The following NLRP1 variants were observed in gnomAD, a reference collection of about 807,000 sequenced individuals.
NLRP1 encodes NLR family pyrin domain containing 1, also known as NACHT, LRR and PYD domains-containing protein 1.
A neutral mutation model predicts 136.7 loss-of-function variants in NLRP1; 94 were observed. The ratio of observed to expected loss-of-function variants is 0.69; its 90% CI spans 0.58 to 0.82. The LOEUF (loss-of-function observed/expected upper bound fraction) is 0.82, where lower values mean the gene tolerates loss of function less well. NLRP1 is among the 40% of genes least tolerant of loss of function. NLRP1 has a pLI of 0.00. For missense variants in NLRP1, 1,575 were observed against 1,802.7 expected, an observed-to-expected ratio of 0.87 and a Z score of 2.29; for synonymous variants, 690 against 725.1, an observed-to-expected ratio of 0.95 and a Z score of 0.78.
chr17:5,557,254 T>C (rs1914195535), intron 4 of NLRP1, among the ~76,000 whole-genome samples: 1 of 151,748 alleles, frequency 6.6e-6, no homozygotes, highest in South Asian at 2.1e-4. Flanking sequence ...ATCCTCCTGC[T>C]TCAGCCTCCC....
intron 12 of NLRP1, 122 bp downstream of exon 12, chr17:5,530,359 T>A (rs942774215): frequency 7.6e-6 from 6 of 786,004 alleles, no homozygotes; most frequent in Admixed American, 4.8e-5. Context: ...CCCATCTCCA[T>A]AACCCCCCCT....
At chr17:5,506,898 A>C (rs914223502) in intron 15 of NLRP1, among the ~76,000 whole-genome samples, 1 of 114,138 alleles carries the variant, frequency 8.8e-6, no homozygotes, top group Non-Finnish European at 1.7e-5. Context: ...GCAAAACTCC[A>C]TCTCAAAAAA....
rs7223443 is a variant in NLRP1, at chr17:5,517,997, C to G, written c.3916-110G>C. The stretch of plus-strand genomic sequence containing the variant: ...GGCTCCATAAGGACACTCTGATGAT[C>G]CCTGTACTGAAATCAACCATCACCT... On this transcript the variant is annotated intron_variant, in intron 14 of 16. Coordinates refer to ENST00000572272, the MANE Select transcript of NLRP1 (RefSeq NM_033004.4). The G allele has an allele frequency of 1.6e-3, 1,580 of 989,928 alleles. 19 individuals are homozygous for G. In the African/African-American group the frequency reaches 0.023, roughly 15 times the overall value. The allele number at this position is 989,928 out of a possible 1,614,324, so 61.3% of individuals were successfully genotyped here.
intron 3 of NLRP1, 106 bp downstream of exon 3, chr17:5,581,753 T>C: frequency 1.1e-6 from 1 of 934,240 alleles, no homozygotes; most frequent in Non-Finnish European, 1.8e-6. Context: ...TCAGATGTTT[T>C]CCAGAACCTC....
intron 10 of NLRP1, 34 bp downstream of exon 10, chr17:5,533,270 A>T: frequency 6.4e-7 from 1 of 1,551,790 alleles, no homozygotes; most frequent in South Asian, 1.2e-5. Flanking sequence ...ACATGGTTCA[A>T]AAGATGAAAG....
chr17:5,522,846 A>G (rs1211945016), intron 12 of NLRP1, among the ~76,000 whole-genome samples: 2 of 152,188 alleles, frequency 1.3e-5, no homozygotes, highest in Non-Finnish European at 2.9e-5. Context: ...GGTAGAGAAC[A>G]AGGAGGAGGA....
intron 3 of NLRP1, among the ~76,000 whole-genome samples, chr17:5,573,470 G>A (rs1385623138): frequency 1.3e-5 from 2 of 152,290 alleles, no homozygotes; most frequent in Non-Finnish European, 2.9e-5. Context: ...AGAGAGCAGC[G>A]GTTCTCCCAG....
intron 3 of NLRP1, among the ~76,000 whole-genome samples, chr17:5,578,194 G>A (rs1011000403): frequency 2.0e-5 from 3 of 152,146 alleles, no homozygotes; most frequent in South Asian, 4.1e-4. Context: ...CAGGACATAG[G>A]CATGGGCAAG....
chr17:5,555,017 T>TCACACA (rs55705436), intron 4 of NLRP1, among the ~76,000 whole-genome samples: 2,407 of 142,392 alleles, frequency 0.017, 39 homozygotes, highest in East Asian at 0.051. Flanking sequence ...TGAGATCCCA[T>TCACACA]CACACACACA....
At chr17:5,518,466 T>C (rs1174844990) in intron 14 of NLRP1, 1 of 152,356 alleles carries the variant, frequency 6.6e-6, no homozygotes, top group Non-Finnish European at 1.5e-5. Context: ...TGAATTCATA[T>C]ACTTTTCTCC....
At chr17:5,523,961 T>C (rs774935726) in intron 12 of NLRP1, among the ~76,000 whole-genome samples, 1 of 152,224 alleles carries the variant, frequency 6.6e-6, no homozygotes, top group Non-Finnish European at 1.5e-5. Flanking sequence ...TCTAGCTCTG[T>C]CACCGAGGCT....
rs947285105 is a variant in NLRP1 at position 5,548,091 on chromosome 17, T to A, written c.2528+5295A>T. 2.0e-5 allele frequency among the ~76,000 whole-genome samples: 3 copies of A among 152,246 alleles called. No homozygotes were observed. The East Asian group carries it at 5.8e-4, about 29-fold the overall frequency. On this transcript the variant is annotated intron_variant, in intron 5 of 16. Coordinates refer to ENST00000572272, the MANE Select transcript of NLRP1 (RefSeq NM_033004.4). ...CAGGGTAGGTGGCTGCCATCTTGAATCATGACCACGACCCTCACATGGGCC... is the reference window on the plus strand; with the variant it reads ...CAGGGTAGGTGGCTGCCATCTTGAAACATGACCACGACCCTCACATGGGCC...
At chr17:5,571,801 G>A (rs1904387632) in intron 3 of NLRP1, among the ~76,000 whole-genome samples, 1 of 152,050 alleles carries the variant, frequency 6.6e-6, no homozygotes, top group Non-Finnish European at 1.5e-5. Context: ...GCAATTCTAA[G>A]TAAAAAATAA....
At position 5,547,572 on chromosome 17, in the gene NLRP1, T is replaced by C. The variant is rs1046513507; in HGVS notation, c.2529-5545A>G. Among the ~76,000 whole-genome samples, 4 of 152,314 alleles carry C rather than the reference T, an allele frequency of 2.6e-5. No homozygotes were observed. The South Asian group carries it at 8.3e-4, about 32-fold the overall frequency. ...GGAAGGCCCAAGGAATTAACAGATA[T>C]GGAGTTGTTTGGGTTTGAGATAGTG... On this transcript the variant is annotated intron_variant, in intron 5 of 16. Transcript: ENST00000572272.
intron 15 of NLRP1, among the ~76,000 whole-genome samples, chr17:5,515,988 T>C (rs1372964036): frequency 6.6e-6 from 1 of 152,154 alleles, no homozygotes; most frequent in Non-Finnish European, 1.5e-5. Context: ...GAATCTAGAA[T>C]CAAGATCAAG....
chr17:5,543,736 G>A (rs1466373682), intron 5 of NLRP1, among the ~76,000 whole-genome samples: 2 of 152,022 alleles, frequency 1.3e-5, no homozygotes, highest in African/African-American at 4.8e-5. Flanking sequence ...AGGGGTCTGT[G>A]GGGGAGGATG....
intron 3 of NLRP1, among the ~76,000 whole-genome samples, chr17:5,575,983 G>A (rs371056627): frequency 6.6e-5 from 10 of 152,190 alleles, no homozygotes; most frequent in Admixed American, 2.6e-4. Flanking sequence ...ACTCAAAACC[G>A]CTCAACTACA....
At chr17:5,553,322 C>T (rs1913607952) in intron 5 of NLRP1, 64 bp downstream of exon 5, 2 of 1,447,544 alleles carry the variant, frequency 1.4e-6, no homozygotes, top group African/African-American at 1.4e-5. Context: ...TCAGCCCAGA[C>T]TCAGCTTCTG....
chr17:5,560,631 G>A (rs866435401), intron 3 of NLRP1, among the ~76,000 whole-genome samples: 6 of 152,202 alleles, frequency 3.9e-5, no homozygotes, highest in African/African-American at 1.4e-4. Context: ...CTTAGTGGAT[G>A]ACAGGTGGGG....
Sources: gnomAD v4.1 joint callset for allele counts (sites outside exome capture counted in the v4.1 genomes callset) on GRCh38, gnomAD v4.1.1 for gene constraint, MANE v1.5 for transcripts, NCBI Gene and HGNC (gene_info 2026-07-23, HGNC 2026-07-21) for gene names.